The following CASZ1 variants were observed in gnomAD, a reference collection of about 807,000 sequenced individuals.
CASZ1 encodes zinc finger protein castor homolog 1.
CASZ1 carries 28 observed loss-of-function variants against 135.2 expected under a neutral mutation model. The ratio of observed to expected loss-of-function variants is 0.21; its 90% CI spans 0.15 to 0.28. The LOEUF (loss-of-function observed/expected upper bound fraction) is 0.28, where lower values mean the gene tolerates loss of function less well. CASZ1 is among the 10% of genes least tolerant of loss of function. The pLI is 1.00. For synonymous variants in CASZ1, 1,068 were observed against 1,073.4 expected, an observed-to-expected ratio of 0.99 and a Z score of 0.10; for missense variants, 2,161 against 2,453.3, an observed-to-expected ratio of 0.88 and a Z score of 2.52.
At chr1:10,786,351 C>A (rs1272003087) in intron 1 of CASZ1, among the ~76,000 whole-genome samples, 1 of 152,196 alleles carries the variant, frequency 6.6e-6, no homozygotes, top group East Asian at 1.9e-4. Context: ...CCCTCCAGAC[C>A]CAGCAGCAAA....
rs1640685372 is a variant in CASZ1 at position 10,777,687 on chromosome 1, C to T, written c.-233-16830G>A. Among the ~76,000 whole-genome samples, 1 of 152,054 alleles carries T rather than the reference C, an allele frequency of 6.6e-6. No individual in the cohort carries two copies. Among genetic ancestry groups the T allele is most frequent in the Non-Finnish European group, 1.5e-5 (1 of 67,998 alleles). On this transcript the variant is annotated intron_variant, in intron 1 of 20. Coordinates refer to ENST00000377022, the MANE Select transcript of CASZ1 (RefSeq NM_001079843.3). This position sits in a 1 kb window ranked among gnomAD's most constrained non-coding sequence, Gnocchi z 4.4. ...AACCACACACCATCTCACACACAATCTCACACACACCATCTCATACAAAAT... is the reference window on the plus strand; with the variant it reads ...AACCACACACCATCTCACACACAATTTCACACACACCATCTCATACAAAAT...
intron 1 of CASZ1, among the ~76,000 whole-genome samples, chr1:10,769,186 C>T (rs922674781): frequency 1.3e-5 from 2 of 152,148 alleles, no homozygotes; most frequent in Admixed American, 6.5e-5. Context: ...GAATGTGATT[C>T]AGCCACGCTA....
intron 2 of CASZ1, among the ~76,000 whole-genome samples, chr1:10,729,169 G>A (rs927815500): frequency 1.5e-4 from 23 of 152,168 alleles, no homozygotes; most frequent in African/African-American, 3.6e-4. Context: ...GGCCCTCGGC[G>A]TTGAAGGCAG....
intron 2 of CASZ1, among the ~76,000 whole-genome samples, chr1:10,754,692 G>A (rs899630731): frequency 2.9e-4 from 44 of 152,206 alleles, no homozygotes; most frequent in Admixed American, 2.4e-3. Context: ...AGCTGGGACC[G>A]ATCCTCTCTC....
In CASZ1 at chr1:10,788,590, C is replaced by T. The variant is rs575557920; in HGVS notation, c.-234+7974G>A. Among the ~76,000 whole-genome samples, 13 of 152,336 alleles carry T rather than the reference C, an allele frequency of 8.5e-5. No homozygotes were observed. The highest frequency in any genetic ancestry group is 2.9e-4 in the African/African-American group (12 of 41,574). On this transcript the variant is annotated intron_variant, in intron 1 of 20. Transcript: ENST00000377022. The surrounding 1 kb of genome is among the most constrained non-coding windows in gnomAD (Gnocchi z 4.1). ...GAAGCACAGCCCAGAGACTGCCCGC[C>T]GTCAAACCAAGGCTCAGCAGTGCCT...
Position 10,639,173 on chromosome 1 carries a change from C to T in CASZ1, c.5049G>A (p.Glu1683=). Residue 1683 remains glutamate (E), a synonymous_variant, in exon 21 of 21, where the codon GAG becomes GAA. Transcript: ENST00000377022. The surrounding 1 kb of genome is among the most constrained non-coding windows in gnomAD (Gnocchi z 4.0). ...CGTCTTCGGCCTCCTCCTCCGGCAG[C>T]TCCAGCTCCTCCTCCTCGTCCTCCT... is the stretch of plus-strand genomic sequence containing the variant. ...SSQEDEEEEL[E]LPEEEAEDDE... 1.1e-5 allele frequency: 11 copies of T among 1,029,296 alleles called. No homozygotes were observed. The highest frequency in any genetic ancestry group is 1.3e-5 in the Non-Finnish European group (11 of 845,160). 63.8% of individuals were successfully genotyped at this position (1,029,296 alleles called of 1,614,324 possible). A position where few individuals can be genotyped will look rare whatever the true frequency, so the allele number is the denominator to read the frequency against.
At chr1:10,656,884 C>T (rs753228060) in intron 7 of CASZ1, 148 bp from the exon 8 acceptor site, 2 of 622,592 alleles carry the variant, frequency 3.2e-6, no homozygotes, top group Non-Finnish European at 5.8e-6. Flanking sequence ...AGTGACTGGG[C>T]CTGGCGGGAA....
intron 1 of CASZ1, among the ~76,000 whole-genome samples, chr1:10,765,464 T>C (rs1640457740): frequency 6.6e-6 from 1 of 151,716 alleles, no homozygotes; most frequent in South Asian, 2.1e-4. Context: ...CACGAAAGTG[T>C]TTTTCGCTGC....
At chr1:10,649,475 C>A in intron 13 of CASZ1, 38 bp from the exon 14 acceptor site, 1 of 1,570,524 alleles carries the variant, frequency 6.4e-7, no homozygotes. Context: ...GCTGGGGTAG[C>A]TTAGAACACA....
In CASZ1 at chr1:10,737,867, C is replaced by T. The variant is rs545549714; in HGVS notation, c.-77+22834G>A. On this transcript the variant is annotated intron_variant, in intron 2 of 20. Coordinates refer to ENST00000377022, the MANE Select transcript of CASZ1 (RefSeq NM_001079843.3). ...TCTTCCTGCCAGGCTGAGGCCATCTCGGGAAGGCTGGGCACAGCCCTGTGG... is the reference window on the plus strand; with the variant it reads ...TCTTCCTGCCAGGCTGAGGCCATCTTGGGAAGGCTGGGCACAGCCCTGTGG... Among the ~76,000 whole-genome samples, 8 of 152,356 alleles carry T rather than the reference C, an allele frequency of 5.3e-5. No homozygotes were observed. In the East Asian group the frequency reaches 5.8e-4, roughly 11 times the overall value.
In CASZ1 at chr1:10,646,123, C is replaced by T; in HGVS notation, c.3696+5G>A. ...TGCCCCTGCGCCGTGTACCGCCATG[C>T]TGACCTGGTTGGGACAGAGACACTG... On this transcript the variant is annotated splice_donor_5th_base_variant and intron_variant, in intron 17 of 20. Transcript: ENST00000377022. The surrounding 1 kb of genome is among the most constrained non-coding windows in gnomAD (Gnocchi z 6.4). 6.2e-7 allele frequency: 1 copy of T among 1,613,870 alleles called. No homozygotes were observed. Among genetic ancestry groups the T allele is most frequent in the Non-Finnish European group, 8.5e-7 (1 of 1,179,926 alleles).
chr1:10,642,937 C>T lies in CASZ1; in HGVS notation c.4084G>A (p.Gly1362Ser), dbSNP rs1260549652. Residue 1362 changes from glycine (G) to serine (S), a missense_variant, in exon 20 of 21, where the codon GGC (glycine) becomes AGC (serine). This residue lies in a region of CASZ1 where 143 missense variants were observed against 128.3 expected (regional missense o/e 1.11). Transcript: ENST00000377022. ...GTGGATGACTCAGAGGACATGGCGC[C>T]TGGGCTGCAGCCAGTGTAGTCCATG... ...ECMDYTGCSP[G>S]AMSSESSTMD... The T allele has an allele frequency of 8.1e-6, 13 of 1,612,948 alleles. No individual in the cohort carries two copies. Among genetic ancestry groups the T allele is most frequent in the Non-Finnish European group, 1.1e-5 (13 of 1,179,996 alleles).
At chr1:10,650,504 C>A (rs1161207195) in intron 13 of CASZ1, 188 bp downstream of exon 13, 2 of 566,822 alleles carry the variant, frequency 3.5e-6, no homozygotes, top group Non-Finnish European at 3.1e-6. Context: ...TCAGCCAGTT[C>A]ATTAAATTAA....
At chr1:10,649,029 C>G (rs776079465) in intron 15 of CASZ1, 41 bp downstream of exon 15, 1 of 1,601,850 alleles carries the variant, frequency 6.2e-7, no homozygotes. Context: ...AGGCTGGGAT[C>G]CGTGGGGCTC....
In CASZ1 at chr1:10,648,004, G is replaced by T; in HGVS notation, c.3294C>A (p.Ser1098=). 1 of 1,602,466 alleles carries T rather than the reference G, an allele frequency of 6.2e-7. No homozygotes were observed. Among genetic ancestry groups the T allele is most frequent in the Non-Finnish European group, 8.5e-7 (1 of 1,173,736 alleles). ...PVPPVTTATV[S]SLEGPAPSPA... is the part of the protein sequence containing the mutation. ...GGCTGGGAGCGGGCCCCTCCAGAGA[G>T]GACACCGTGGCCGTGGTGACAGGAG... is the stretch of plus-strand genomic sequence containing the variant. The change falls in exon 16 of 21, where the codon TCC becomes TCA. Residue 1098 remains serine (S), a synonymous_variant. Coordinates refer to ENST00000377022, the MANE Select transcript of CASZ1 (RefSeq NM_001079843.3).
At chr1:10,649,024 G>C (rs1642464794) in intron 15 of CASZ1, 46 bp downstream of exon 15, 2 of 1,598,046 alleles carry the variant, frequency 1.3e-6, no homozygotes, top group Admixed American at 3.4e-5. Context: ...GAGCCAGGCT[G>C]GGATCCGTGG....
chr1:10,767,793 T>C lies in CASZ1; in HGVS notation c.-233-6936A>G, dbSNP rs1453881920. On this transcript the variant is annotated intron_variant, in intron 1 of 20. Transcript: ENST00000377022. The surrounding 1 kb of genome is among the most constrained non-coding windows in gnomAD (Gnocchi z 4.2). ...CAGCAGGTCCGGTTGCAGCTCCCTGTCTGTCTTGCCCACTGCCCCGGGGAT... is the reference window on the plus strand; with the variant it reads ...CAGCAGGTCCGGTTGCAGCTCCCTGCCTGTCTTGCCCACTGCCCCGGGGAT... 6.6e-6 allele frequency among the ~76,000 whole-genome samples: 1 copy of C among 152,184 alleles called. No individual in the cohort carries two copies. The highest frequency in any genetic ancestry group is 1.5e-5 in the Non-Finnish European group (1 of 68,032).
chr1:10,660,634 G>T, intron 5 of CASZ1, 98 bp from the exon 6 acceptor site: 4 of 900,630 alleles, frequency 4.4e-6, no homozygotes, highest in Non-Finnish European at 6.9e-6. Flanking sequence ...GAGGGGGTCA[G>T]TGTGGGGAGG....
intron 4 of CASZ1, among the ~76,000 whole-genome samples, chr1:10,670,603 C>T (rs1277740016): frequency 6.6e-6 from 1 of 152,242 alleles, no homozygotes; most frequent in Non-Finnish European, 1.5e-5. Context: ...TGTGGGCACA[C>T]AGGCAGCCCT....
Sources: allele counts gnomAD v4.1 joint callset (sites outside exome capture counted in the v4.1 genomes callset), GRCh38; gene constraint gnomAD v4.1.1; regional missense constraint gnomAD v4.1.1; non-coding constraint Gnocchi (gnomAD v3.1); transcripts MANE v1.5; gene names NCBI Gene and HGNC (gene_info 2026-07-23, HGNC 2026-07-21).